Variants in BCL7B observed in about 807,000 individuals in gnomAD.
The protein encoded by BCL7B is BAF chromatin remodeling complex subunit BCL7B.
A neutral mutation model predicts 26.5 loss-of-function variants in BCL7B; 11 were observed. The observed-to-expected ratio is 0.42, with a 90% CI of 0.26 to 0.69. The LOEUF (loss-of-function observed/expected upper bound fraction) is 0.69, where lower values mean the gene tolerates loss of function less well. BCL7B is among the 30% of genes least tolerant of loss of function. The probability of loss-of-function intolerance (pLI) is 0.28; values close to 1 mark genes in which losing one functional copy is unlikely to be tolerated. For synonymous variants in BCL7B, 111 were observed against 107.9 expected (o/e 1.03, Z -0.18); for missense variants, 215 against 264.4 (o/e 0.81, Z 1.30).
rs1354153192 is a variant in BCL7B, at chr7:73,537,231, G to A, written c.*67C>T. ...CAGTGCTTGCCCTTACCCCAGCAAC[G>A]CGGCGCGGCCAGAACCAGAATGCAA... On this transcript the variant is annotated 3_prime_UTR_variant, in exon 6 of 6. Transcript: ENST00000223368. The A allele has an allele frequency of 3.0e-5, 46 of 1,523,858 alleles. 3 individuals carry two copies. The Middle Eastern group carries it at 1.2e-3, about 40-fold the overall frequency. The allele number at this position is 1,523,858 out of a possible 1,614,324, so 94.4% of individuals were successfully genotyped here.
rs536202966 is a variant in BCL7B at position 73,557,275 on chromosome 7, G to A, written c.92+212C>T. On this transcript the variant is annotated intron_variant, in intron 1 of 5. Coordinates refer to ENST00000223368, the MANE Select transcript of BCL7B (RefSeq NM_001707.4). ...GCGCGCGGCAGCAGCCGCAGCAGGT[G>A]GGCGGGCCCGCGAGCCGGGAGGACC... 11 of 1,135,004 alleles carry A rather than the reference G, an allele frequency of 9.7e-6. No homozygotes were observed. The East Asian group carries it at 3.5e-4, about 36-fold the overall frequency. The allele number at this position is 1,135,004 out of a possible 1,614,324, so 70.3% of individuals were successfully genotyped here. A position where few individuals can be genotyped will look rare whatever the true frequency, so the allele number is the denominator to read the frequency against.
intron 1 of BCL7B, among the ~76,000 whole-genome samples, chr7:73,555,623 A>G (rs375254157): frequency 6.6e-6 from 1 of 152,154 alleles, no homozygotes; most frequent in Non-Finnish European, 1.5e-5. Flanking sequence ...CATTGGTAAG[A>G]CAGCGGGCAT....
intron 2 of BCL7B, among the ~76,000 whole-genome samples, chr7:73,545,210 T>C (rs1271614262): frequency 6.6e-6 from 1 of 152,130 alleles, no homozygotes; most frequent in Admixed American, 6.6e-5. Context: ...TGTTAATAAC[T>C]CAATTTTTTG....
intron 2 of BCL7B, among the ~76,000 whole-genome samples, chr7:73,551,509 G>A (rs782360892): frequency 2.6e-5 from 4 of 151,850 alleles, no homozygotes; most frequent in Non-Finnish European, 5.9e-5. Context: ...GCACTATGTT[G>A]GCCAGGCTGG....
At chr7:73,557,437 A>C (rs1342400500) in intron 1 of BCL7B, 50 bp downstream of exon 1, 2 of 1,235,160 alleles carry the variant, frequency 1.6e-6, no homozygotes, top group African/African-American at 1.7e-5. Context: ...CACGCTCCTC[A>C]GGGCCTGGAT....
chr7:73,538,671 A>G (rs919463087), intron 4 of BCL7B, among the ~76,000 whole-genome samples: 12 of 151,922 alleles, frequency 7.9e-5, no homozygotes, highest in Admixed American at 5.3e-4. Flanking sequence ...AAAGAAAGCC[A>G]GGCATGGTGG....
chr7:73,557,261 C>T (rs553507622), intron 1 of BCL7B: 10 of 1,120,036 alleles, frequency 8.9e-6, no homozygotes, highest in African/African-American at 1.6e-5. Context: ...CGCGCGGCAG[C>T]AGCCGCAGCA....
intron 1 of BCL7B, 41 bp from the exon 2 acceptor site, chr7:73,552,283 A>T: frequency 2.7e-6 from 4 of 1,490,920 alleles, no homozygotes; most frequent in Non-Finnish European, 3.7e-6. Context: ...AAACAATGCA[A>T]TGTGTTTTCT....
rs1189615304 is a variant in BCL7B, at chr7:73,536,597, GAGGC to G, written c.*697_*700del. On this transcript the variant is annotated 3_prime_UTR_variant, in exon 6 of 6. Transcript: ENST00000223368. ...TTCTTGCTGGGGCAGTTTGTGACAAGAGGCAGGGATGCTGGAATGACAGGTAGAG... is the reference window on the plus strand; with the variant it reads ...TTCTTGCTGGGGCAGTTTGTGACAAGAGGGATGCTGGAATGACAGGTAGAG... 3.3e-5 allele frequency: 5 copies of G among 152,452 alleles called. No homozygotes were observed. Among genetic ancestry groups the G allele is most frequent in the Admixed American group, 6.5e-5 (1 of 15,286 alleles). 9.4% of individuals were successfully genotyped at this position (152,452 alleles called of 1,614,324 possible).
chr7:73,557,389 A>G, intron 1 of BCL7B, 98 bp downstream of exon 1: 2 of 883,980 alleles, frequency 2.3e-6, no homozygotes, highest in Non-Finnish European at 2.8e-6. Flanking sequence ...CCCCTCCCCC[A>G]GCGCCGGCCG....
At chr7:73,540,911 C>T (rs1791745870) in intron 3 of BCL7B, among the ~76,000 whole-genome samples, 1 of 145,090 alleles carries the variant, frequency 6.9e-6, no homozygotes, top group Non-Finnish European at 1.5e-5. Flanking sequence ...CTTTGGGAGG[C>T]CAAGGTGGGC....
chr7:73,540,187 G>T, intron 3 of BCL7B, 135 bp from the exon 4 acceptor site: 1 of 909,438 alleles, frequency 1.1e-6, no homozygotes, highest in Non-Finnish European at 1.6e-6. Context: ...ATTGTGCCCG[G>T]CCTACACGAC....
At position 73,552,516 on chromosome 7, in the gene BCL7B, C is replaced by T. The variant is rs192495935; in HGVS notation, c.93-274G>A. ...AATACAGGCCAGGCGCAGCGGCTCA[C>T]GCCTGTAAACCCAACACTTTGGGAG... is the stretch of plus-strand genomic sequence containing the variant. On this transcript the variant is annotated intron_variant, in intron 1 of 5. Coordinates refer to ENST00000223368, the MANE Select transcript of BCL7B (RefSeq NM_001707.4). Among the ~76,000 whole-genome samples the T allele has an allele frequency of 1.9e-4, 29 of 152,044 alleles. 1 individual carries two copies. The East Asian group carries it at 5.6e-3, about 29-fold the overall frequency.
chr7:73,553,943 T>C (rs1584002501), intron 1 of BCL7B, among the ~76,000 whole-genome samples: 2 of 151,156 alleles, frequency 1.3e-5, no homozygotes, highest in South Asian at 4.2e-4. Flanking sequence ...TGCAAACAAA[T>C]GTGTGGAGGA....
Position 73,537,284 on chromosome 7 carries a change from G to C in BCL7B, c.*14C>G, listed in dbSNP as rs1554582238. ...AATAGAGGCAGGGCCAGGAGGCGGA[G>C]GGCCGGGATGGTGCTAGCTTTCTGA... On this transcript the variant is annotated 3_prime_UTR_variant, in exon 6 of 6. Coordinates refer to ENST00000223368, the MANE Select transcript of BCL7B (RefSeq NM_001707.4). 6.2e-7 allele frequency: 1 copy of C among 1,613,458 alleles called. No individual in the cohort carries two copies. Among genetic ancestry groups the C allele is most frequent in the East Asian group, 2.2e-5 (1 of 44,854 alleles).
Position 73,537,386 on chromosome 7 carries a change from A to G in BCL7B, c.521T>C (p.Val174Ala), listed in dbSNP as rs782663157. ...GGCACCTGAGTCTTCCTCTTCCTCA[A>G]CGACCTAGGAGCAGGCAGAGCATGG... ...EEPVPLETQV[V>A]EEEEDSGAPP... The change falls in exon 6 of 6, where the codon GTT (valine) becomes GCT (alanine). Residue 174 changes from valine to alanine, a missense_variant. Physicochemically the swap from Val to Ala is moderately conservative, Grantham distance 64. Transcript: ENST00000223368. The G allele has an allele frequency of 3.1e-6, 5 of 1,613,692 alleles. No individual in the cohort carries two copies. Among genetic ancestry groups the G allele is most frequent in the East Asian group, 2.2e-5 (1 of 44,890 alleles).
rs1026578331 is a variant in BCL7B at position 73,557,318 on chromosome 7, G to A, written c.92+169C>T. On this transcript the variant is annotated intron_variant, in intron 1 of 5. Transcript: ENST00000223368. ...GGAGGACCGCTGATTGGCCGCGGCCGGCGCGCCCTCTGACCTCACGCCGAC... is the reference window on the plus strand; with the variant it reads ...GGAGGACCGCTGATTGGCCGCGGCCAGCGCGCCCTCTGACCTCACGCCGAC... 3.4e-6 allele frequency: 4 copies of A among 1,169,182 alleles called. No individual in the cohort carries two copies. The South Asian group carries it at 1.3e-4, about 38-fold the overall frequency. The allele number at this position is 1,169,182 out of a possible 1,614,324, so 72.4% of individuals were successfully genotyped here. A position where few individuals can be genotyped will look rare whatever the true frequency, so the allele number is the denominator to read the frequency against.
At chr7:73,546,213 T>C (rs1470425996) in intron 2 of BCL7B, among the ~76,000 whole-genome samples, 4 of 150,456 alleles carry the variant, frequency 2.7e-5, no homozygotes, top group African/African-American at 9.8e-5. Context: ...GCCAATGCAA[T>C]TGAGAGTCCC....
At chr7:73,557,379 C>A in intron 1 of BCL7B, 108 bp downstream of exon 1, 2 of 1,179,966 alleles carry the variant, frequency 1.7e-6, no homozygotes, top group Non-Finnish European at 1.1e-6. Context: ...CTCCCGCACC[C>A]CCCTCCCCCA....
Sources: allele counts gnomAD v4.1 joint callset (sites outside exome capture counted in the v4.1 genomes callset), GRCh38; gene constraint gnomAD v4.1.1; transcripts MANE v1.5; gene names NCBI Gene and HGNC (gene_info 2026-07-23, HGNC 2026-07-21).